SMARCA2: variants seen among roughly 807,000 people sequenced by gnomAD.
The protein encoded by SMARCA2 is SWI/SNF-related matrix-associated actin-dependent regulator of chromatin subfamily A member 2.
In SMARCA2, 61 loss-of-function variants were observed where a neutral mutation model predicts 199.8. The ratio of observed to expected loss-of-function variants is 0.31; its 90% CI spans 0.25 to 0.38. The LOEUF (loss-of-function observed/expected upper bound fraction) is 0.38, where lower values mean the gene tolerates loss of function less well. Among genes scored for constraint, SMARCA2 ranks in the 10% least tolerant of loss-of-function variants. The pLI is 1.00. For synonymous variants in SMARCA2, 935 were observed against 732.0 expected, an observed-to-expected ratio of 1.28 and a Z score of -4.48; for missense variants, 1,344 against 2,012.2, an observed-to-expected ratio of 0.67 and a Z score of 6.35.
In SMARCA2 at chr9:2,119,347, T is replaced by A. The variant is rs1403363543; in HGVS notation, c.3685-111T>A. The A allele has an allele frequency of 1.4e-6, 1 of 698,024 alleles. No homozygotes were observed. Among genetic ancestry groups the A allele is most frequent in the Non-Finnish European group, 2.5e-6 (1 of 393,318 alleles). 43.2% of individuals were successfully genotyped at this position (698,024 alleles called of 1,614,324 possible). The stretch of plus-strand genomic sequence containing the variant: ...CTAAATCCAGCAACCCCTTCCCTTT[T>A]CTTTCTGCCTTGAGAAATGGGACCC... On this transcript the variant is annotated intron_variant, in intron 25 of 33. Coordinates refer to ENST00000349721, the MANE Select transcript of SMARCA2 (RefSeq NM_003070.5). This position sits in a 1 kb window ranked among gnomAD's most constrained non-coding sequence, Gnocchi z 4.6.
At chr9:2,097,793 C>G (rs951504536) in intron 21 of SMARCA2, among the ~76,000 whole-genome samples, 3 of 152,014 alleles carry the variant, frequency 2.0e-5, no homozygotes, top group African/African-American at 7.3e-5. Flanking sequence ...ACTGGGAGCT[C>G]TGAAATTGAA....
chr9:2,090,753 C>A lies in SMARCA2; in HGVS notation c.2883+2140C>A, dbSNP rs150063241. Reference sequence around the variant, plus strand: ...TTTGCTCTCCTTCCGGTAGCCCCCCCACATCTCTCTCCATAAACTTTTCAA... The same window carrying A: ...TTTGCTCTCCTTCCGGTAGCCCCCCAACATCTCTCTCCATAAACTTTTCAA... On this transcript the variant is annotated intron_variant, in intron 19 of 33. Transcript: ENST00000349721. Among the ~76,000 whole-genome samples, 8 of 152,256 alleles carry A rather than the reference C, an allele frequency of 5.3e-5. No individual in the cohort carries two copies. The South Asian group carries it at 1.0e-3, about 20-fold the overall frequency.
chr9:2,166,732 CA>C (rs1218770950), intron 28 of SMARCA2, among the ~76,000 whole-genome samples: 3 of 152,238 alleles, frequency 2.0e-5, no homozygotes, highest in Non-Finnish European at 4.4e-5. Context: ...AAAATCACTT[CA>C]GGTTGACATG....
intron 27 of SMARCA2, among the ~76,000 whole-genome samples, chr9:2,153,900 T>C (rs1480884352): frequency 1.3e-5 from 2 of 152,180 alleles, no homozygotes; most frequent in Non-Finnish European, 2.9e-5. Flanking sequence ...CTAAGATGTA[T>C]CATGTTATGT....
chr9:2,076,304 GAGA>G lies in SMARCA2; in HGVS notation c.2014_2016del (p.Lys672del). 1.2e-6 allele frequency: 2 copies of G among 1,608,046 alleles called. No homozygotes were observed. Among genetic ancestry groups the G allele is most frequent in the Non-Finnish European group, 1.7e-6 (2 of 1,174,462 alleles). ...GGATCCAAATAGCGAAGAAGTTTCT[GAGA>G]AGGATGCTAAGCAGATCATTGAGTA... On this transcript the variant is annotated inframe_deletion, in exon 13 of 34. Coordinates refer to ENST00000349721, the MANE Select transcript of SMARCA2 (RefSeq NM_003070.5).
At chr9:2,100,243 T>C (rs1822451979) in intron 21 of SMARCA2, among the ~76,000 whole-genome samples, 1 of 152,186 alleles carries the variant, frequency 6.6e-6, no homozygotes, top group Non-Finnish European at 1.5e-5. Flanking sequence ...AAAGTCAGAA[T>C]GGAGAAATGC....
intron 29 of SMARCA2, among the ~76,000 whole-genome samples, chr9:2,174,954 G>GAAAAAAAAAAA (rs1826472124): frequency 3.0e-5 from 4 of 134,252 alleles, no homozygotes; most frequent in Admixed American, 1.4e-4. Context: ...AAAAAAAAAG[G>GAAAAAAAAAAA]AAATGGAGAG....
chr9:2,130,959 G>C (rs1335628575), intron 27 of SMARCA2, among the ~76,000 whole-genome samples: 1 of 152,170 alleles, frequency 6.6e-6, no homozygotes, highest in Non-Finnish European at 1.5e-5. Context: ...GTGCAAAATT[G>C]GGGTGATTGC....
At chr9:2,182,081 A>G (rs1181377447) in intron 30 of SMARCA2, 60 bp from the exon 31 acceptor site, 5 of 1,069,316 alleles carry the variant, frequency 4.7e-6, no homozygotes, top group Non-Finnish European at 7.3e-6. Context: ...TAACTAAGTA[A>G]TGATCGCTGA....
intron 15 of SMARCA2, among the ~76,000 whole-genome samples, chr9:2,082,803 T>C (rs913824105): frequency 6.6e-6 from 1 of 152,252 alleles, no homozygotes; most frequent in African/African-American, 2.4e-5. Flanking sequence ...GCAGCCCTTT[T>C]TGTATGAATT....
intron 14 of SMARCA2, among the ~76,000 whole-genome samples, chr9:2,081,597 G>T (rs1192898585): frequency 6.6e-6 from 1 of 152,188 alleles, no homozygotes; most frequent in Non-Finnish European, 1.5e-5. Context: ...GAGCGGCAAA[G>T]CTGCTTTAAA....
chr9:2,138,157 T>G (rs765529574), intron 27 of SMARCA2, among the ~76,000 whole-genome samples: 2 of 146,316 alleles, frequency 1.4e-5, no homozygotes, highest in African/African-American at 5.4e-5. Flanking sequence ...GCCTTCTAAT[T>G]TCTTCAGCAA....
rs1292813714 is a variant in SMARCA2, at chr9:2,166,322, A to G, written c.4200-4097A>G. On this transcript the variant is annotated intron_variant, in intron 28 of 33. Transcript: ENST00000349721. Reference sequence around the variant, plus strand: ...GGTTAGCTTCCTTATTCTGGACACCAGAATTCTGTTAGCATAACTCAAGGG... The same window carrying G: ...GGTTAGCTTCCTTATTCTGGACACCGGAATTCTGTTAGCATAACTCAAGGG... Among the ~76,000 whole-genome samples, 4 of 152,284 alleles carry G rather than the reference A, an allele frequency of 2.6e-5. No individual in the cohort carries two copies. The East Asian group carries it at 7.7e-4, about 29-fold the overall frequency.
chr9:2,090,367 A>C (rs1822000056), intron 19 of SMARCA2, among the ~76,000 whole-genome samples: 1 of 152,194 alleles, frequency 6.6e-6, no homozygotes, highest in Non-Finnish European at 1.5e-5. Context: ...CTGTACCTTT[A>C]AAGGCAGCCA....
At chr9:2,141,538 G>A (rs1333746545) in intron 27 of SMARCA2, among the ~76,000 whole-genome samples, 1 of 152,112 alleles carries the variant, frequency 6.6e-6, no homozygotes, top group South Asian at 2.1e-4. Context: ...ACGTCTTCAA[G>A]CCTTTTAACT....
chr9:2,168,299 C>T (rs1826042803), intron 28 of SMARCA2, among the ~76,000 whole-genome samples: 1 of 152,176 alleles, frequency 6.6e-6, no homozygotes, highest in African/African-American at 2.4e-5. Context: ...GCGTGAGCCA[C>T]CATGCCCGGC....
chr9:2,107,557 A>T (rs907288694), intron 23 of SMARCA2, among the ~76,000 whole-genome samples: 2 of 152,166 alleles, frequency 1.3e-5, no homozygotes, highest in Admixed American at 6.5e-5. Flanking sequence ...ACCTCAGGTG[A>T]TCCGCCCACC....
At chr9:2,054,021 T>C (rs1820239535) in intron 5 of SMARCA2, among the ~76,000 whole-genome samples, 1 of 152,222 alleles carries the variant, frequency 6.6e-6, no homozygotes, top group Non-Finnish European at 1.5e-5. Flanking sequence ...CAAGCTCTGC[T>C]CACAGAGGAA....
Position 2,069,774 on chromosome 9 carries a change from G to T in SMARCA2, c.1693-644G>T, listed in dbSNP as rs146151049. ...ATTCTTTTTTTTGAGGGTGCAATTTGATTTTTATTATTTCAACTTTTATTT... is the reference window on the plus strand; with the variant it reads ...ATTCTTTTTTTTGAGGGTGCAATTTTATTTTTATTATTTCAACTTTTATTT... On this transcript the variant is annotated intron_variant, in intron 9 of 33. Coordinates refer to ENST00000349721, the MANE Select transcript of SMARCA2 (RefSeq NM_003070.5). Among the ~76,000 whole-genome samples, 417 of 152,146 alleles carry T rather than the reference G, an allele frequency of 2.7e-3. 1 individual carries two copies. The highest frequency in any genetic ancestry group is 9.6e-3 in the African/African-American group (397 of 41,514).
Sources: gnomAD v4.1 joint callset for allele counts (sites outside exome capture counted in the v4.1 genomes callset) on GRCh38, gnomAD v4.1.1 for gene constraint, Gnocchi (gnomAD v3.1) non-coding constraint, MANE v1.5 for transcripts, NCBI Gene and HGNC (gene_info 2026-07-23, HGNC 2026-07-21) for gene names.